Variants in GRIA3 observed in about 807,000 individuals in gnomAD.
GRIA3 encodes the protein glutamate ionotropic receptor AMPA type subunit 3, also known as glutamate receptor 3.
Under a neutral mutation model 63.0 loss-of-function variants are expected in GRIA3, and 3 were observed. The observed-to-expected ratio is 0.05, with a 90% CI of 0.02 to 0.12. The LOEUF is 0.12. GRIA3 is among the 10% of genes least tolerant of loss of function. GRIA3 has a pLI of 1.00. For synonymous variants in GRIA3, 274 were observed against 257.9 expected (o/e 1.06, Z -0.60); for missense variants, 347 against 700.9 (o/e 0.50, Z 5.70).
At chrX:123,484,234 G>A (rs1014453041) in intron 15 of GRIA3, among the ~76,000 whole-genome samples, 3 of 111,937 alleles carry the variant, frequency 2.7e-5, no homozygotes, top group Non-Finnish European at 3.8e-5. Flanking sequence ...ATGCAAGCTC[G>A]AATTAGAATA....
chrX:123,480,310 C>T (rs1789591571), intron 14 of GRIA3, 133 bp downstream of exon 14: 1 of 497,107 alleles, frequency 2.0e-6, no homozygotes, highest in South Asian at 2.7e-5. Context: ...AACAACAGTG[C>T]TAAAGGAATA....
In GRIA3 at chrX:123,489,797, A is replaced by G. The variant is rs1014619770; in HGVS notation, c.*1087A>G. The G allele has an allele frequency of 7.1e-5, 8 of 112,280 alleles. No homozygotes were observed. The East Asian group carries it at 2.2e-3, about 31-fold the overall frequency. The allele number at this position is 112,280 out of a possible 1,213,427, so 9.3% of individuals were successfully genotyped here. A position where few individuals can be genotyped will look rare whatever the true frequency, so the allele number is the denominator to read the frequency against. Reference sequence around the variant, plus strand: ...ACAGCAGGTTCAGACCACAGTTCTCAGTCTGACTTTACTCTTGCTAGGTCT... The same window carrying G: ...ACAGCAGGTTCAGACCACAGTTCTCGGTCTGACTTTACTCTTGCTAGGTCT... On this transcript the variant is annotated 3_prime_UTR_variant, in exon 16 of 16. Coordinates refer to ENST00000620443, the MANE Select transcript of GRIA3 (RefSeq NM_007325.5).
chrX:123,184,795 G>C, intron 1 of GRIA3, 151 bp downstream of exon 1: 1 of 502,425 alleles, frequency 2.0e-6, no homozygotes, highest in South Asian at 2.6e-5. Context: ...CGGGGCGGGG[G>C]GCGGGGCGGG....
intron 5 of GRIA3, among the ~76,000 whole-genome samples, chrX:123,363,824 A>G (rs970582759): frequency 4.4e-5 from 5 of 112,455 alleles, no homozygotes; most frequent in Non-Finnish European, 9.4e-5. Context: ...TGGATATTAT[A>G]CCCATATTTC....
chrX:123,482,728 T>C (rs764929568), intron 14 of GRIA3, 71 bp from the exon 15 acceptor site: 79 of 1,089,388 alleles, frequency 7.3e-5, no homozygotes, highest in Non-Finnish European at 9.2e-5. Flanking sequence ...CCCTGTACTG[T>C]TGTAATATAT....
intron 3 of GRIA3, among the ~76,000 whole-genome samples, chrX:123,272,888 G>A (rs916805238): frequency 9.0e-6 from 1 of 111,198 alleles, no homozygotes; most frequent in African/African-American, 3.3e-5. Flanking sequence ...TCTTATCCTG[G>A]GCACACAGAG....
At chrX:123,374,398 T>C (rs2045270389) in intron 5 of GRIA3, among the ~76,000 whole-genome samples, 1 of 111,416 alleles carries the variant, frequency 9.0e-6, no homozygotes, top group Non-Finnish European at 1.9e-5. Flanking sequence ...TGAAGAAAGT[T>C]ATTGGTAGCT....
chrX:123,383,115 G>T (rs1045389859), intron 5 of GRIA3, among the ~76,000 whole-genome samples: 1 of 112,049 alleles, frequency 8.9e-6, no homozygotes, highest in Non-Finnish European at 1.9e-5. Context: ...ATGTGGTTAG[G>T]CATGGTAAAT....
intron 2 of GRIA3, among the ~76,000 whole-genome samples, chrX:123,208,308 C>T (rs1049334509): frequency 8.9e-6 from 1 of 112,107 alleles, no homozygotes; most frequent in Admixed American, 9.4e-5. Context: ...TGGGTTCCAG[C>T]CCCAACTCTG....
chrX:123,290,511 A>G (rs966474262), intron 3 of GRIA3, among the ~76,000 whole-genome samples: 28 of 109,998 alleles, frequency 2.5e-4, no homozygotes, highest in African/African-American at 7.9e-4. Context: ...GGGGCACCCA[A>G]CATGTGCAAT....
At chrX:123,420,230 T>C (rs953893278) in intron 11 of GRIA3, among the ~76,000 whole-genome samples, 6 of 112,108 alleles carry the variant, frequency 5.4e-5, no homozygotes, top group African/African-American at 1.9e-4. Context: ...GCATACTTCA[T>C]TTTGAGATTA....
At chrX:123,309,446 T>C (rs1361439699) in intron 3 of GRIA3, among the ~76,000 whole-genome samples, 1 of 112,004 alleles carries the variant, frequency 8.9e-6, no homozygotes, top group Admixed American at 9.4e-5. Flanking sequence ...TCTTGAATCC[T>C]TTCCTCTTTA....
At chrX:123,308,425 T>C (rs1179758864) in intron 3 of GRIA3, among the ~76,000 whole-genome samples, 1 of 111,885 alleles carries the variant, frequency 8.9e-6, no homozygotes, top group Non-Finnish European at 1.9e-5. Context: ...GTAATTGATA[T>C]GCTGATGTAG....
At chrX:123,473,678 C>T (rs1327233531) in intron 13 of GRIA3, among the ~76,000 whole-genome samples, 1 of 111,933 alleles carries the variant, frequency 8.9e-6, no homozygotes, top group Non-Finnish European at 1.9e-5. Flanking sequence ...CAAAAGATCA[C>T]TAGATACCAA....
chrX:123,199,497 G>T (rs1168795400), intron 2 of GRIA3, among the ~76,000 whole-genome samples: 1 of 110,049 alleles, frequency 9.1e-6, no homozygotes, highest in Non-Finnish European at 1.9e-5. Context: ...TTTTTCAGAT[G>T]AAGAAACTGA....
At chrX:123,336,534 T>C (rs1468793237) in intron 4 of GRIA3, among the ~76,000 whole-genome samples, 2 of 111,604 alleles carry the variant, frequency 1.8e-5, no homozygotes, top group African/African-American at 6.5e-5. Context: ...CTTGAGGAGA[T>C]TGGTGACAAT....
chrX:123,219,971 A>G (rs993623368), intron 2 of GRIA3, among the ~76,000 whole-genome samples: 1 of 112,252 alleles, frequency 8.9e-6, no homozygotes, highest in Non-Finnish European at 1.9e-5. Context: ...GATGGACGAC[A>G]TGAGCCCTGT....
At chrX:123,432,985 A>T (rs758252046) in intron 12 of GRIA3, among the ~76,000 whole-genome samples, 1 of 111,778 alleles carries the variant, frequency 8.9e-6, no homozygotes, top group South Asian at 3.8e-4. Flanking sequence ...GCATCATTTT[A>T]TGAGATGTAT....
At chrX:123,349,841 C>A (rs1401531826) in intron 4 of GRIA3, among the ~76,000 whole-genome samples, 1 of 112,029 alleles carries the variant, frequency 8.9e-6, no homozygotes, top group East Asian at 2.8e-4. Context: ...AAGACTCAGG[C>A]AATTTAGTAC....
Sources: allele counts gnomAD v4.1 joint callset (sites outside exome capture counted in the v4.1 genomes callset), GRCh38; gene constraint gnomAD v4.1.1; transcripts MANE v1.5; gene names NCBI Gene and HGNC (gene_info 2026-07-23, HGNC 2026-07-21).